Variants in ABCB1 observed in about 807,000 individuals in gnomAD.
The protein encoded by ABCB1 is ATP-dependent translocase ABCB1.
A neutral mutation model predicts 142.0 loss-of-function variants in ABCB1; 69 were observed. The observed-to-expected ratio is 0.49, with a 90% CI of 0.40 to 0.59. ABCB1 has a LOEUF of 0.59. Among genes scored for constraint, ABCB1 ranks in the 20% least tolerant of loss-of-function variants. The pLI is 0.00. For synonymous variants in ABCB1, 532 were observed against 539.2 expected (o/e 0.99, Z 0.18); for missense variants, 1,326 against 1,554.7 (o/e 0.85, Z 2.47).
intron 25 of ABCB1, among the ~76,000 whole-genome samples, chr7:87,511,483 T>C (rs1815006124): frequency 6.6e-6 from 1 of 152,206 alleles, no homozygotes; most frequent in African/African-American, 2.4e-5. Context: ...TCTATGCATA[T>C]TTACTGTGAA....
intron 4 of ABCB1, among the ~76,000 whole-genome samples, chr7:87,576,006 A>G (rs915010399): frequency 6.6e-6 from 1 of 152,028 alleles, no homozygotes; most frequent in Non-Finnish European, 1.5e-5. Flanking sequence ...CATTAATTCA[A>G]CCTCCTGGGC....
At chr7:87,603,252 A>G (rs899478544), upstream of ABCB1, 5 of 152,270 alleles carry the variant, frequency 3.3e-5, no homozygotes, top group Non-Finnish European at 7.3e-5. Flanking sequence ...TTTAATCTTT[A>G]CAAGAATCCT....
chr7:87,535,440 C>A (rs7787569), intron 20 of ABCB1, among the ~76,000 whole-genome samples: 15,571 of 151,516 alleles, frequency 0.1, 1,381 homozygotes, highest in East Asian at 0.37. Context: ...TCAAGTAATT[C>A]TCGTACCTCA....
intron 27 of ABCB1, among the ~76,000 whole-genome samples, chr7:87,505,294 A>C (rs1331325644): frequency 6.6e-6 from 1 of 152,120 alleles, no homozygotes; most frequent in Non-Finnish European, 1.5e-5. Flanking sequence ...TCTTAAAGTT[A>C]AGGCAGTAAA....
rs200637194 is a variant in ABCB1, at chr7:87,504,379, G to A, written c.3707C>T (p.Thr1236Ile). Residue 1236 changes from threonine (T) to isoleucine (I), a missense_variant, in exon 28 of 28, where the codon ACC becomes ATC. Coordinates refer to ENST00000622132, the MANE Select transcript of ABCB1 (RefSeq NM_001348946.2). Reference protein sequence around the residue: ...TCIVIAHRLSTIQNADLIVVF... With the variant: ...TCIVIAHRLSIIQNADLIVVF... The stretch of plus-strand genomic sequence containing the variant: ...CACTATTAAGTCTGCATTCTGGATG[G>A]TGGACAGGCGGTGAGCAATCACAAT... 4 of 1,613,982 alleles carry A rather than the reference G, an allele frequency of 2.5e-6. No individual in the cohort carries two copies. The highest frequency in any genetic ancestry group is 2.7e-5 in the African/African-American group (2 of 74,920).
intron 3 of ABCB1, among the ~76,000 whole-genome samples, chr7:87,589,837 G>GAGAGAGAGA (rs1818919970): frequency 5.8e-4 from 49 of 84,970 alleles, no homozygotes; most frequent in African/African-American, 3.0e-3. Flanking sequence ...AGAGAGAGAG[G>GAGAGAGAGA]GAGAGAGGGA....
At chr7:87,653,260 C>T (rs1585010138) in intron 1 of ABCB1, among the ~76,000 whole-genome samples, 1 of 152,000 alleles carries the variant, frequency 6.6e-6, no homozygotes. Flanking sequence ...AAGCATAATA[C>T]TTCTCTCCAC....
At position 87,521,386 on chromosome 7, in the gene ABCB1, T is replaced by C. The variant is rs1815498447; in HGVS notation, c.2686-510A>G. ...ATTCAAAGGCTTACTCCTCTCTGCC[T>C]GTGGACGCTTACCCCTTTCTGCCCG... On this transcript the variant is annotated intron_variant, in intron 21 of 27. Coordinates refer to ENST00000622132, the MANE Select transcript of ABCB1 (RefSeq NM_001348946.2). The C allele has an allele frequency of 8.2e-6, 5 of 611,024 alleles. No individual in the cohort carries two copies. In the East Asian group the frequency reaches 1.4e-4, roughly 17 times the overall value. The allele number at this position is 611,024 out of a possible 1,614,324, so 37.9% of individuals were successfully genotyped here. A position where few individuals can be genotyped will look rare whatever the true frequency, so the allele number is the denominator to read the frequency against.
chr7:87,505,704 TGCTCTAAGACTA>T (rs770766745), intron 27 of ABCB1, among the ~76,000 whole-genome samples, 181 bp downstream of exon 27: 31 of 152,352 alleles, frequency 2.0e-4, no homozygotes, highest in Admixed American at 4.6e-4. Flanking sequence ...GAAGCATATG[TGCTCTAAGACTA>T]ATCTGCCTTG....
chr7:87,702,171 A>AAT (rs1433057247), intron 1 of ABCB1, among the ~76,000 whole-genome samples: 3 of 148,928 alleles, frequency 2.0e-5, no homozygotes, highest in African/African-American at 7.5e-5. Flanking sequence ...AAAAAAAAAA[A>AAT]ACAGAGATAC....
chr7:87,541,602 T>G, intron 17 of ABCB1, 138 bp from the exon 18 acceptor site: 1 of 707,082 alleles, frequency 1.4e-6, no homozygotes, highest in East Asian at 2.6e-5. Context: ...GCTTTCCTAT[T>G]GCCAGCCTTA....
intron 4 of ABCB1, among the ~76,000 whole-genome samples, chr7:87,576,934 G>C (rs1818294703): frequency 6.6e-6 from 1 of 151,854 alleles, no homozygotes; most frequent in Non-Finnish European, 1.5e-5. Context: ...TACCCTTTTA[G>C]TTATTTTTAA....
intron 1 of ABCB1, among the ~76,000 whole-genome samples, chr7:87,680,469 A>T (rs1826813534): frequency 6.6e-6 from 1 of 150,888 alleles, no homozygotes; most frequent in South Asian, 2.1e-4. Flanking sequence ...GAATTGTCTG[A>T]AATCAGTAAC....
intron 4 of ABCB1, among the ~76,000 whole-genome samples, chr7:87,580,425 T>C (rs1818459255): frequency 6.6e-6 from 1 of 152,234 alleles, no homozygotes; most frequent in Admixed American, 6.5e-5. Flanking sequence ...TCCAGACATG[T>C]TGGAGCTCCT....
chr7:87,514,692 C>G (rs972082574), intron 25 of ABCB1, among the ~76,000 whole-genome samples: 1 of 152,210 alleles, frequency 6.6e-6, no homozygotes, highest in Admixed American at 6.5e-5. Flanking sequence ...TCACTTACAT[C>G]TCCATTTCTT....
intron 1 of ABCB1, chr7:87,700,291 G>C (rs1828909384): frequency 1.5e-6 from 1 of 687,864 alleles, no homozygotes; most frequent in Non-Finnish European, 2.3e-6. Flanking sequence ...TTGACACCTA[G>C]ATTGGTGGTG....
chr7:87,693,064 T>A (rs962605576), intron 1 of ABCB1, among the ~76,000 whole-genome samples: 1 of 152,158 alleles, frequency 6.6e-6, no homozygotes, highest in African/African-American at 2.4e-5. Context: ...TGTGGGACCA[T>A]GTACTATTGG....
chr7:87,570,442 G>T (rs1377141853), intron 4 of ABCB1, among the ~76,000 whole-genome samples: 2 of 152,148 alleles, frequency 1.3e-5, no homozygotes, highest in African/African-American at 4.8e-5. Context: ...ATGTTTATTT[G>T]CAAGAAGAAA....
chr7:87,538,025 G>A (rs1384747567), intron 19 of ABCB1, among the ~76,000 whole-genome samples: 1 of 152,174 alleles, frequency 6.6e-6, no homozygotes, highest in Admixed American at 6.5e-5. Flanking sequence ...ACACAGGAAT[G>A]TAACTTCCTT....
Sources: allele counts gnomAD v4.1 joint callset (sites outside exome capture counted in the v4.1 genomes callset), GRCh38; gene constraint gnomAD v4.1.1; transcripts MANE v1.5; gene names NCBI Gene and HGNC (gene_info 2026-07-23, HGNC 2026-07-21).